CCDC3: variants seen among roughly 807,000 people sequenced by gnomAD.
The protein encoded by CCDC3 is coiled-coil domain containing 3.
Under a neutral mutation model 21.4 loss-of-function variants are expected in CCDC3, and 24 were observed. The observed-to-expected ratio is 1.12, with a 90% CI of 0.81 to 1.58. The LOEUF (loss-of-function observed/expected upper bound fraction) is 1.58. CCDC3 is among the 40% of genes most tolerant of loss of function. The pLI is 0.00. For missense variants in CCDC3, 425 were observed against 360.9 expected (o/e 1.18, Z -1.44); for synonymous variants, 186 against 166.0 (o/e 1.12, Z -0.93).
In CCDC3 at chr10:12,989,993, C is replaced by CCACTG. The variant is rs149174647; in HGVS notation, c.549+8344_549+8345insCAGTG. On this transcript the variant is annotated intron_variant, in intron 2 of 2. Coordinates refer to ENST00000378825, the MANE Select transcript of CCDC3 (RefSeq NM_031455.4). ...CTGGGCCGGGCACAGTGGCTCACGCCTGTAATACCAGCACTTTGGGAGGCC... is the reference window on the plus strand; with the variant it reads ...CTGGGCCGGGCACAGTGGCTCACGCCCACTGTGTAATACCAGCACTTTGGGAGGCC... Among the ~76,000 whole-genome samples, 976 of 152,114 alleles carry CCACTG rather than the reference C, an allele frequency of 6.4e-3. 11 individuals are homozygous for CCACTG. The highest frequency in any genetic ancestry group is 0.022 in the African/African-American group (903 of 41,496).
In CCDC3 at chr10:12,932,886, G is replaced by A. The variant is rs1363371490; in HGVS notation, c.550-34207C>T. Among the ~76,000 whole-genome samples, 12 of 152,104 alleles carry A rather than the reference G, an allele frequency of 7.9e-5. No individual in the cohort carries two copies. In the East Asian group the frequency reaches 1.2e-3, roughly 15 times the overall value. On this transcript the variant is annotated intron_variant, in intron 2 of 2. Coordinates refer to ENST00000378825, the MANE Select transcript of CCDC3 (RefSeq NM_031455.4). ...TTCTCATTAACAGGTTTTAGATTTT[G>A]CTAAATGCTTTTTCTCCATCTATTG...
At chr10:12,931,208 CAAAAAAAAA>C (rs67541166) in intron 2 of CCDC3, among the ~76,000 whole-genome samples, 37 of 75,050 alleles carry the variant, frequency 4.9e-4, no homozygotes, top group East Asian at 7.7e-4. Context: ...AAGACTCTGT[CAAAAAAAAA>C]AAAAAAAAAA....
At chr10:13,072,963 T>A (rs1032076249) in intron 4 of CCDC3, among the ~76,000 whole-genome samples, 3 of 147,726 alleles carry the variant, frequency 2.0e-5, no homozygotes, top group Non-Finnish European at 4.5e-5. Context: ...ACCTCCTGGG[T>A]TCAAGCGATT....
intron 2 of CCDC3, among the ~76,000 whole-genome samples, chr10:12,900,219 G>A (rs915463001): frequency 1.3e-5 from 2 of 152,084 alleles, no homozygotes; most frequent in African/African-American, 2.4e-5. Flanking sequence ...GTGTGAGAAC[G>A]GATTAATACA....
chr10:13,034,167 G>A (rs60177416), intron 5 of CCDC3, among the ~76,000 whole-genome samples: 19,654 of 152,126 alleles, frequency 0.13, 1,395 homozygotes, highest in Middle Eastern at 0.18. Flanking sequence ...CAGCCATAAA[G>A]AAGGATGAAT....
intron 2 of CCDC3, among the ~76,000 whole-genome samples, chr10:12,936,631 CCTCCTAAGGT>C (rs1589013266): frequency 6.6e-6 from 1 of 152,346 alleles, no homozygotes; most frequent in East Asian, 1.9e-4. Context: ...TTGAACAGTT[CCTCCTAAGGT>C]CTCCTAAGAC....
At chr10:12,933,709 C>T (rs993026359) in intron 2 of CCDC3, among the ~76,000 whole-genome samples, 3 of 152,094 alleles carry the variant, frequency 2.0e-5, no homozygotes, top group East Asian at 1.9e-4. Flanking sequence ...CCGCCCGACT[C>T]GGCCTCCCAA....
chr10:13,018,264 G>A (rs756184447), intron 5 of CCDC3, among the ~76,000 whole-genome samples: 6 of 152,018 alleles, frequency 3.9e-5, no homozygotes, highest in Non-Finnish European at 7.4e-5. Flanking sequence ...TGGAAGAGTG[G>A]AACAAAGTTC....
chr10:13,093,776 T>C (rs1564346329), intron 3 of CCDC3, among the ~76,000 whole-genome samples: 1 of 151,998 alleles, frequency 6.6e-6, no homozygotes, highest in Admixed American at 6.6e-5. Context: ...GGAAAAAAAA[T>C]AAGTGAGATG....
At chr10:12,912,081 T>C (rs949547883) in intron 2 of CCDC3, among the ~76,000 whole-genome samples, 2 of 152,236 alleles carry the variant, frequency 1.3e-5, no homozygotes, top group South Asian at 2.1e-4. Context: ...TCTCGACTAT[T>C]GTAAGTAATG....
intron 2 of CCDC3, among the ~76,000 whole-genome samples, chr10:12,936,910 T>C (rs1206960700): frequency 1.3e-5 from 2 of 152,170 alleles, no homozygotes; most frequent in African/African-American, 2.4e-5. Flanking sequence ...GGTGACCTAG[T>C]GAGATCCTGT....
chr10:13,058,432 T>C (rs1836711021), intron 4 of CCDC3: 2 of 773,418 alleles, frequency 2.6e-6, no homozygotes, highest in Admixed American at 1.7e-5. Flanking sequence ...ATTTTGGCAG[T>C]TCGTGTGCAT....
intron 5 of CCDC3, among the ~76,000 whole-genome samples, chr10:13,009,295 T>TA (rs1301315036): frequency 1.3e-5 from 2 of 152,300 alleles, no homozygotes; most frequent in African/African-American, 2.4e-5. Flanking sequence ...GAGATATATA[T>TA]TTTTTTCATA....
intron 5 of CCDC3, among the ~76,000 whole-genome samples, chr10:13,007,168 C>T (rs1051278697): frequency 2.0e-5 from 3 of 152,140 alleles, no homozygotes; most frequent in African/African-American, 7.2e-5. Flanking sequence ...TAATATATTT[C>T]TCATTGCTGT....
intron 3 of CCDC3, among the ~76,000 whole-genome samples, chr10:13,089,089 T>G (rs17152834): frequency 0.2 from 30,651 of 151,832 alleles, 3,651 homozygotes; most frequent in East Asian, 0.31. Flanking sequence ...ACAAATTCCC[T>G]CCTCAAATTC....
chr10:12,920,755 T>C (rs774052935), intron 2 of CCDC3, among the ~76,000 whole-genome samples: 8 of 152,248 alleles, frequency 5.3e-5, no homozygotes, highest in Non-Finnish European at 1.2e-4. Context: ...TTGTGGATTA[T>C]AAAAGCGAAG....
chr10:12,941,042 A>T (rs1834822089), intron 2 of CCDC3, among the ~76,000 whole-genome samples: 2 of 152,222 alleles, frequency 1.3e-5, no homozygotes, highest in Non-Finnish European at 2.9e-5. Flanking sequence ...ACTGGGCTGC[A>T]TTCCCAGACA....
At chr10:13,058,492 C>A in intron 4 of CCDC3, 1 of 750,566 alleles carries the variant, frequency 1.3e-6, no homozygotes, top group Non-Finnish European at 2.4e-6. Flanking sequence ...AGCAATCTGA[C>A]AAATGATATC....
At chr10:13,069,657 A>G (rs1239526588) in intron 4 of CCDC3, among the ~76,000 whole-genome samples, 1 of 152,208 alleles carries the variant, frequency 6.6e-6, no homozygotes, top group Non-Finnish European at 1.5e-5. Context: ...ATTATTTGAC[A>G]TGTTTAAGTA....
Sources: gnomAD v4.1 joint callset for allele counts (sites outside exome capture counted in the v4.1 genomes callset) on GRCh38, gnomAD v4.1.1 for gene constraint, MANE v1.5 for transcripts, NCBI Gene and HGNC (gene_info 2026-07-23, HGNC 2026-07-21) for gene names.